The following DPP10 variants were observed in gnomAD, a reference collection of about 807,000 sequenced individuals.
DPP10 encodes the protein inactive dipeptidyl peptidase 10.
In DPP10, 33 loss-of-function variants were observed where a neutral mutation model predicts 120.9. That is an observed-to-expected ratio of 0.27 (90% CI 0.21 to 0.37). The LOEUF is 0.37. Ranked by LOEUF, DPP10 falls within the 10% of genes least tolerant of loss-of-function variation. The pLI is 1.00. For missense variants in DPP10, 816 were observed against 942.8 expected, an observed-to-expected ratio of 0.87 and a Z score of 1.76; for synonymous variants, 337 against 326.1, an observed-to-expected ratio of 1.03 and a Z score of -0.36.
chr2:115,839,571 G>A (rs944640834), intron 24 of DPP10, among the ~76,000 whole-genome samples: 2 of 151,520 alleles, frequency 1.3e-5, no homozygotes, highest in African/African-American at 4.9e-5. Context: ...CTACTCAGGA[G>A]GCTGAGGCAG....
chr2:114,729,036 G>T (rs1346395702), intron 1 of DPP10, among the ~76,000 whole-genome samples: 2 of 152,118 alleles, frequency 1.3e-5, no homozygotes, highest in Admixed American at 6.5e-5. Flanking sequence ...ACGGAGACAG[G>T]GTTTATAAAA....
intron 1 of DPP10, among the ~76,000 whole-genome samples, chr2:115,051,072 T>C (rs759835723): frequency 9.8e-5 from 15 of 152,298 alleles, no homozygotes; most frequent in Admixed American, 2.0e-4. Context: ...TGTCCAGTTT[T>C]CAACAACAAA....
intron 1 of DPP10, among the ~76,000 whole-genome samples, chr2:115,117,524 C>G (rs1323292312): frequency 1.3e-5 from 2 of 152,156 alleles, no homozygotes; most frequent in African/African-American, 4.8e-5. Context: ...GGTAGGAGCA[C>G]TTGAGTCCAG....
At chr2:115,613,059 A>G (rs1406520033) in intron 5 of DPP10, among the ~76,000 whole-genome samples, 1 of 152,208 alleles carries the variant, frequency 6.6e-6, no homozygotes, top group Non-Finnish European at 1.5e-5. Context: ...CTGAGAGAAT[A>G]CATATTTAGA....
intron 1 of DPP10, among the ~76,000 whole-genome samples, chr2:115,020,328 C>A (rs989706876): frequency 2.0e-5 from 3 of 152,024 alleles, no homozygotes; most frequent in Non-Finnish European, 4.4e-5. Context: ...ATATTCCACA[C>A]AAATGAACAC....
At chr2:115,374,666 A>G (rs2065656133) in intron 3 of DPP10, among the ~76,000 whole-genome samples, 1 of 152,122 alleles carries the variant, frequency 6.6e-6, no homozygotes, top group Admixed American at 6.5e-5. Flanking sequence ...GCGTTTCCAT[A>G]TGTCATCTGA....
intron 18 of DPP10, 47 bp downstream of exon 18, chr2:115,791,226 G>T (rs141747334): frequency 1.2e-6 from 2 of 1,605,456 alleles, no homozygotes; most frequent in Admixed American, 1.7e-5. Flanking sequence ...CTTTCTCTGC[G>T]TCTTATAGTT....
At chr2:115,160,624 C>A in intron 1 of DPP10, among the ~76,000 whole-genome samples, 1 of 152,280 alleles carries the variant, frequency 6.6e-6, no homozygotes, top group Non-Finnish European at 1.5e-5. Context: ...GCCATTTCTC[C>A]GGTAAGCAAT....
At chr2:115,363,811 T>C (rs1410139374) in intron 3 of DPP10, among the ~76,000 whole-genome samples, 1 of 152,224 alleles carries the variant, frequency 6.6e-6, no homozygotes, top group Non-Finnish European at 1.5e-5. Context: ...TCAAAGCACC[T>C]GAGTGATAAC....
chr2:115,634,275 A>C (rs1194205907), intron 5 of DPP10, among the ~76,000 whole-genome samples: 1 of 152,168 alleles, frequency 6.6e-6, no homozygotes, highest in East Asian at 1.9e-4. Context: ...TTGGAGGAGA[A>C]GAGGCACTCT....
chr2:114,673,870 T>G (rs776465903), intron 1 of DPP10, among the ~76,000 whole-genome samples: 11 of 152,138 alleles, frequency 7.2e-5, no homozygotes, highest in Non-Finnish European at 1.6e-4. Flanking sequence ...ATTAGTGAGT[T>G]TATTGTGTAT....
intron 5 of DPP10, among the ~76,000 whole-genome samples, chr2:115,595,328 G>A (rs2082921395): frequency 6.6e-6 from 1 of 151,948 alleles, no homozygotes; most frequent in African/African-American, 2.4e-5. Context: ...ATCCAAAAGA[G>A]AAAACAAAAT....
chr2:115,524,677 G>A (rs1415438514), intron 4 of DPP10, among the ~76,000 whole-genome samples: 2 of 152,128 alleles, frequency 1.3e-5, no homozygotes, highest in African/African-American at 4.8e-5. Flanking sequence ...CATGATTGAT[G>A]TGATCTGATG....
intron 1 of DPP10, among the ~76,000 whole-genome samples, chr2:114,967,357 G>C (rs934897989): frequency 6.6e-6 from 1 of 152,174 alleles, no homozygotes; most frequent in Admixed American, 6.5e-5. Context: ...AAGGCCAGCA[G>C]AGTTTGTGGA....
chr2:114,631,186 C>T (rs933883890), intron 1 of DPP10, among the ~76,000 whole-genome samples: 3 of 152,014 alleles, frequency 2.0e-5, no homozygotes, highest in African/African-American at 7.3e-5. Flanking sequence ...CAGAAAGAGA[C>T]CTGTGTTGAA....
At chr2:115,709,106 A>G (rs987345617) in intron 7 of DPP10, among the ~76,000 whole-genome samples, 1 of 152,128 alleles carries the variant, frequency 6.6e-6, no homozygotes, top group Non-Finnish European at 1.5e-5. Context: ...AAGGGAGTGA[A>G]ATTTACAGGA....
At chr2:115,587,460 G>A (rs1336771835) in intron 5 of DPP10, among the ~76,000 whole-genome samples, 2 of 152,108 alleles carry the variant, frequency 1.3e-5, no homozygotes, top group Non-Finnish European at 2.9e-5. Flanking sequence ...ATGTAAGTGA[G>A]ATTATACAGT....
chr2:114,995,526 C>A (rs1047636331), intron 1 of DPP10, among the ~76,000 whole-genome samples: 2 of 152,164 alleles, frequency 1.3e-5, no homozygotes, highest in African/African-American at 2.4e-5. Flanking sequence ...AACTGCATAA[C>A]CTCTTTAGAG....
At chr2:115,296,943 A>G (rs535961069) in intron 1 of DPP10, among the ~76,000 whole-genome samples, 25 of 152,184 alleles carry the variant, frequency 1.6e-4, no homozygotes, top group Middle Eastern at 3.4e-3. Context: ...TTTCAGAGGA[A>G]CTACTTTCCT....
Sources: gnomAD v4.1 joint callset for allele counts (sites outside exome capture counted in the v4.1 genomes callset) on GRCh38, gnomAD v4.1.1 for gene constraint, MANE v1.5 for transcripts, NCBI Gene and HGNC (gene_info 2026-07-23, HGNC 2026-07-21) for gene names.